C18orf54: variants seen among roughly 807,000 people sequenced by gnomAD.
The protein encoded by C18orf54 is lung adenoma susceptibility protein 2.
Under a neutral mutation model 49.3 loss-of-function variants are expected in C18orf54, and 49 were observed. That is an observed-to-expected ratio of 0.99 (90% CI 0.79 to 1.26). The LOEUF (loss-of-function observed/expected upper bound fraction) is 1.26, where lower values mean the gene tolerates loss of function less well. C18orf54 is among the 50% of genes most tolerant of loss of function. C18orf54 has a pLI of 0.00. For missense variants in C18orf54, 687 were observed against 620.6 expected, an observed-to-expected ratio of 1.11 and a Z score of -1.14; for synonymous variants, 211 against 216.6, an observed-to-expected ratio of 0.97 and a Z score of 0.23.
rs373917405 is a variant in C18orf54 at position 54,359,049 on chromosome 18, CTT to C, written c.-47+182_-47+183del. ...TTGAACGATTCTACTTTTGTATACT[CTT>C]TTGGGGAAAAGTTGGAAAACTTTTC... On this transcript the variant is annotated intron_variant, in intron 2 of 8. Coordinates refer to ENST00000620105, the MANE Select transcript of C18orf54 (RefSeq NM_001288980.2). Among the ~76,000 whole-genome samples the C allele has an allele frequency of 4.7e-3, 720 of 152,274 alleles. 10 individuals are homozygous for C. Among genetic ancestry groups the C allele is most frequent in the African/African-American group, 0.016 (682 of 41,536 alleles).
In C18orf54 at chr18:54,362,205, A is replaced by G. The variant is rs1265503597; in HGVS notation, c.846A>G (p.Ile282Met). 2.0e-6 allele frequency: 3 copies of G among 1,536,296 alleles called. No homozygotes were observed. Among genetic ancestry groups the G allele is most frequent in the Admixed American group, 3.9e-5 (2 of 51,010 alleles). The change falls in exon 4 of 9, where the codon ATA becomes ATG. Residue 282 changes from isoleucine to methionine, a missense_variant. Transcript: ENST00000620105. Reference sequence around the variant, plus strand: ...CAAATAGTCAAAGGGTTTATCAGATATTTAAAGATGATCAGTGTTCCCCTA... The same window carrying G: ...CAAATAGTCAAAGGGTTTATCAGATGTTTAAAGATGATCAGTGTTCCCCTA... ...PDANSQRVYQIFKDDQCSPRH... is the reference protein window; with the variant it reads ...PDANSQRVYQMFKDDQCSPRH...
intron 6 of C18orf54, among the ~76,000 whole-genome samples, chr18:54,369,557 C>T (rs1174559490): frequency 6.7e-6 from 1 of 149,752 alleles, no homozygotes; most frequent in Non-Finnish European, 1.5e-5. Context: ...GCAACTTTGC[C>T]TCCCAGGTTC....
chr18:54,378,146 A>G (rs1188894185), intron 8 of C18orf54, 28 bp from the exon 9 acceptor site: 1 of 1,584,294 alleles, frequency 6.3e-7, no homozygotes, highest in African/African-American at 1.3e-5. Flanking sequence ...TAACTGGTTT[A>G]TAATGTGTTT....
intron 7 of C18orf54, 65 bp from the exon 8 acceptor site, chr18:54,374,149 A>G: frequency 1.6e-6 from 2 of 1,231,304 alleles, no homozygotes; most frequent in Non-Finnish European, 2.2e-6. Context: ...CACATTTTCA[A>G]TACCATTTAA....
chr18:54,371,963 CCAG>C (rs2089493207), intron 6 of C18orf54, among the ~76,000 whole-genome samples: 1 of 151,348 alleles, frequency 6.6e-6, no homozygotes, highest in Non-Finnish European at 1.5e-5. Context: ...ACAAATAAGT[CCAG>C]GGGTAATCGA....
chr18:54,372,681 A>G (rs2089510012), intron 7 of C18orf54, 84 bp downstream of exon 7: 4 of 1,300,286 alleles, frequency 3.1e-6, no homozygotes, highest in Non-Finnish European at 4.2e-6. Flanking sequence ...ACCTACTTAT[A>G]GTTTTATGTT....
chr18:54,362,310 C>CT lies in C18orf54; in HGVS notation c.955dup (p.Ser319PhefsTer6). On this transcript the variant is annotated frameshift_variant, in exon 4 of 9. Coordinates refer to ENST00000620105, the MANE Select transcript of C18orf54 (RefSeq NM_001288980.2). LOFTEE classifies it high-confidence loss of function. ...TTGAATATGCTTTTGAACCCTCAAA[C>CT]TTTTCAAATTCCTTGAGTGATGATA... 6.5e-7 allele frequency: 1 copy of CT among 1,536,210 alleles called. No homozygotes were observed. The highest frequency in any genetic ancestry group is 8.7e-7 in the Non-Finnish European group (1 of 1,146,874).
At chr18:54,368,331 GTTTTC>G (rs1165404009) in intron 6 of C18orf54, among the ~76,000 whole-genome samples, 1 of 151,884 alleles carries the variant, frequency 6.6e-6, no homozygotes, top group African/African-American at 2.4e-5. Context: ...TGTTTGCTGT[GTTTTC>G]TTAGAACAGC....
In C18orf54 at chr18:54,378,272, A is replaced by T. The variant is rs1455778208; in HGVS notation, c.*26A>T. The T allele has an allele frequency of 6.3e-7, 1 of 1,583,270 alleles. No homozygotes were observed. Among genetic ancestry groups the T allele is most frequent in the African/African-American group, 1.4e-5 (1 of 74,060 alleles). The stretch of plus-strand genomic sequence containing the variant: ...AGAGGAAAATGAAACTGTCACCACA[A>T]TGAATAGTCACCACAGAACAAATAG... On this transcript the variant is annotated 3_prime_UTR_variant, in exon 9 of 9. Transcript: ENST00000620105.
chr18:54,363,876 G>C (rs1394264010), intron 5 of C18orf54: 2 of 151,576 alleles, frequency 1.3e-5, no homozygotes, highest in African/African-American at 2.4e-5. Context: ...TATAATTCCA[G>C]TTTAGAAGCC....
At position 54,372,575 on chromosome 18, in the gene C18orf54, A is replaced by C. The variant is rs1435754171; in HGVS notation, c.1436A>C (p.Asp479Ala). 1 of 1,606,256 alleles carries C rather than the reference A, an allele frequency of 6.2e-7. No individual in the cohort carries two copies. Among genetic ancestry groups the C allele is most frequent in the South Asian group, 1.1e-5 (1 of 89,066 alleles). ...CGTTTTAATCAAAATAAGACCACAG[A>C]TCCAAAAGAAGAGATTAAACAAGTA... ...QERFNQNKTT[D>A]PKEEIKQVSE... Residue 479 changes from aspartate (D) to alanine (A), a missense_variant, in exon 7 of 9, where the codon GAT becomes GCT. Asp to Ala is a moderately radical substitution (Grantham distance 126). Coordinates refer to ENST00000620105, the MANE Select transcript of C18orf54 (RefSeq NM_001288980.2).
chr18:54,378,274 GA>G lies in C18orf54; in HGVS notation c.*30del, dbSNP rs758741714. On this transcript the variant is annotated 3_prime_UTR_variant, in exon 9 of 9. Transcript: ENST00000620105. Reference sequence around the variant, plus strand: ...AGGAAAATGAAACTGTCACCACAATGAATAGTCACCACAGAACAAATAGGCA... The same window carrying G: ...AGGAAAATGAAACTGTCACCACAATGATAGTCACCACAGAACAAATAGGCA... 9 of 1,583,858 alleles carry G rather than the reference GA, an allele frequency of 5.7e-6. No individual in the cohort carries two copies. In the African/African-American group the frequency reaches 8.1e-5, roughly 14 times the overall value.
rs1372706461 is a variant in C18orf54, at chr18:54,380,884, A to G, written c.*2638A>G. On this transcript the variant is annotated 3_prime_UTR_variant, in exon 9 of 9. Transcript: ENST00000620105. ...CCACCCTTCACTCTCTCTGTTTCAG[A>G]ACATTTTTGGTAGAAGTGCTATCCA... 2.0e-5 allele frequency: 3 copies of G among 152,046 alleles called. No individual in the cohort carries two copies. Among genetic ancestry groups the G allele is most frequent in the Non-Finnish European group, 4.4e-5 (3 of 67,984 alleles). The allele number at this position is 152,046 out of a possible 1,614,324, so 9.4% of individuals were successfully genotyped here.
chr18:54,370,043 G>A (rs1440107944), intron 6 of C18orf54, among the ~76,000 whole-genome samples: 1 of 152,020 alleles, frequency 6.6e-6, no homozygotes, highest in African/African-American at 2.4e-5. Context: ...TTGGGAGGCC[G>A]AGGCGAGCGG....
chr18:54,377,033 A>ATTTTTT (rs2089586460), intron 8 of C18orf54, among the ~76,000 whole-genome samples: 5 of 151,312 alleles, frequency 3.3e-5, no homozygotes, highest in South Asian at 2.1e-4. Flanking sequence ...TTTAAATTTA[A>ATTTTTT]TTTTGTTTTT....
intron 6 of C18orf54, among the ~76,000 whole-genome samples, chr18:54,367,393 G>T (rs1031513782): frequency 4.6e-5 from 7 of 152,054 alleles, no homozygotes; most frequent in African/African-American, 7.2e-5. Context: ...ATTCCCCTGA[G>T]CATTTCTTGT....
rs1487727056 is a variant in C18orf54 at position 54,360,722 on chromosome 18, A to G, written c.150A>G (p.Gln50=). 1 of 1,614,118 alleles carries G rather than the reference A, an allele frequency of 6.2e-7. No homozygotes were observed. ...ATAAGCTGTACAGATCTGCTTCTCAAGCTCTACAGGCTTATATTGATGATT... is the reference window on the plus strand; with the variant it reads ...ATAAGCTGTACAGATCTGCTTCTCAGGCTCTACAGGCTTATATTGATGATT... ...YKDKLYRSAS[Q]ALQAYIDDFD... Residue 50 remains glutamine, a synonymous_variant, in exon 3 of 9, where the codon CAA becomes CAG. Transcript: ENST00000620105.
intron 6 of C18orf54, among the ~76,000 whole-genome samples, chr18:54,366,905 A>G (rs755004925): frequency 1.3e-5 from 2 of 152,202 alleles, no homozygotes; most frequent in Middle Eastern, 3.4e-3. Context: ...ATCTTAAACC[A>G]TAATAATGAC....
chr18:54,361,842 A>G lies in C18orf54; in HGVS notation c.483A>G (p.Ser161=), dbSNP rs1216370624. 1.2e-6 allele frequency: 2 copies of G among 1,614,130 alleles called. No individual in the cohort carries two copies. Among genetic ancestry groups the G allele is most frequent in the Non-Finnish European group, 1.7e-6 (2 of 1,180,006 alleles). Residue 161 remains serine, a synonymous_variant, in exon 4 of 9, where the codon TCA becomes TCG. Coordinates refer to ENST00000620105, the MANE Select transcript of C18orf54 (RefSeq NM_001288980.2). ...KNKKCRGRLG[S]LDIEKNPHFQ... is the part of the protein sequence containing the mutation. ...AGAAATGCCGTGGAAGACTGGGTTC[A>G]TTGGACATTGAGAAGAATCCACATT...
Sources: allele counts gnomAD v4.1 joint callset (sites outside exome capture counted in the v4.1 genomes callset), GRCh38; gene constraint gnomAD v4.1.1; transcripts MANE v1.5; gene names NCBI Gene and HGNC (gene_info 2026-07-23, HGNC 2026-07-21).